PPP1R1C: variants seen among roughly 807,000 people sequenced by gnomAD.
The protein encoded by PPP1R1C is protein phosphatase 1 regulatory inhibitor subunit 1C.
A neutral mutation model predicts 17.4 loss-of-function variants in PPP1R1C; 15 were observed. That is an observed-to-expected ratio of 0.86 (90% CI 0.58 to 1.33). The LOEUF (loss-of-function observed/expected upper bound fraction) is 1.33. Among genes scored for constraint, PPP1R1C ranks in the 40% most tolerant of loss-of-function variants. The pLI, the probability that PPP1R1C is intolerant of heterozygous loss-of-function variation, is 0.00. For synonymous variants in PPP1R1C, 35 were observed against 43.1 expected (o/e 0.81, Z 0.73); for missense variants, 143 against 130.0 (o/e 1.10, Z -0.48).
At chr2:182,073,954 A>G (rs1432907970) in intron 4 of PPP1R1C, among the ~76,000 whole-genome samples, 1 of 151,882 alleles carries the variant, frequency 6.6e-6, no homozygotes, top group Non-Finnish European at 1.5e-5. Context: ...AATTTTGAAG[A>G]TTGCTTGACA....
In PPP1R1C at chr2:181,961,090, G is replaced by A; in HGVS notation, n.111+6456G>A. On this transcript the variant is annotated intron_variant and non_coding_transcript_variant, in intron 1 of 5. Coordinates refer to the PPP1R1C transcript ENST00000464264. The surrounding 1 kb of genome is among the most constrained non-coding windows in gnomAD (Gnocchi z 5.8). ...AATAAAGGCTGTAACAGGAGCGTGTGTCACATCATCATAGCAGTTTTCTTG... is the reference window on the plus strand; with the variant it reads ...AATAAAGGCTGTAACAGGAGCGTGTATCACATCATCATAGCAGTTTTCTTG... 1.8e-6 allele frequency: 1 copy of A among 559,090 alleles called. No homozygotes were observed. Among genetic ancestry groups the A allele is most frequent in the Non-Finnish European group, 3.2e-6 (1 of 311,216 alleles). The allele number at this position is 559,090 out of a possible 1,614,324, so 34.6% of individuals were successfully genotyped here.
At chr2:182,085,669 T>G (rs889989999) in intron 4 of PPP1R1C, among the ~76,000 whole-genome samples, 4 of 152,180 alleles carry the variant, frequency 2.6e-5, no homozygotes, top group Non-Finnish European at 4.4e-5. Context: ...TTTTGCTGCC[T>G]AAGGCAACTG....
At chr2:181,973,061 A>G (rs1488257252) in intron 1 of PPP1R1C, among the ~76,000 whole-genome samples, 1 of 152,158 alleles carries the variant, frequency 6.6e-6, no homozygotes, top group Non-Finnish European at 1.5e-5. Flanking sequence ...TCAAAATCTC[A>G]AGAAGCAGAG....
At position 182,066,372 on chromosome 2, in the gene PPP1R1C, G is replaced by A. The variant is rs528582403; in HGVS notation, c.241+2581G>A. Among the ~76,000 whole-genome samples, 42 of 152,146 alleles carry A rather than the reference G, an allele frequency of 2.8e-4. No individual in the cohort carries two copies. In the South Asian group the frequency reaches 8.5e-3, roughly 31 times the overall value. ...CATTCTATTTTCAGCTATCTCAATT[G>A]TGTGTCATCATAGATAAGATAAACC... is the stretch of plus-strand genomic sequence containing the variant. On this transcript the variant is annotated intron_variant, in intron 4 of 4. Coordinates refer to ENST00000682840, the MANE Select transcript of PPP1R1C (RefSeq NM_001080545.3).
rs959588533 is a variant in PPP1R1C at position 181,987,341 on chromosome 2, T to C, written c.82-498T>C. The stretch of plus-strand genomic sequence containing the variant: ...TATTTATTCTTCATTTGTTTATTTG[T>C]TCTAAATATTATACTAGAAAATAAA... On this transcript the variant is annotated intron_variant, in intron 1 of 4. Transcript: ENST00000682840. 3.9e-5 allele frequency among the ~76,000 whole-genome samples: 6 copies of C among 152,194 alleles called. No individual in the cohort carries two copies. In the East Asian group the frequency reaches 1.2e-3, roughly 29 times the overall value.
At position 181,969,583 on chromosome 2, in the gene PPP1R1C, T is replaced by C. The variant is rs143872169; in HGVS notation, n.112-5636T>C. 4.0e-3 allele frequency among the ~76,000 whole-genome samples: 610 copies of C among 152,300 alleles called. 7 individuals are homozygous for C. The highest frequency in any genetic ancestry group is 0.014 in the African/African-American group (570 of 41,564). On this transcript the variant is annotated intron_variant and non_coding_transcript_variant, in intron 1 of 5. Transcript: ENST00000464264. Reference sequence around the variant, plus strand: ...AGTTTGATTATTAAATATCTTGAGGTAGTCTTATTTGAGTTAAATCTGCTT... The same window carrying C: ...AGTTTGATTATTAAATATCTTGAGGCAGTCTTATTTGAGTTAAATCTGCTT...
intron 2 of PPP1R1C, among the ~76,000 whole-genome samples, chr2:182,003,086 G>C (rs1343029632): frequency 1.3e-5 from 2 of 152,032 alleles, no homozygotes; most frequent in African/African-American, 4.8e-5. Context: ...CAACATATAG[G>C]GGAAATGGGC....
intron 2 of PPP1R1C, among the ~76,000 whole-genome samples, chr2:182,027,899 G>C (rs1047114373): frequency 4.1e-5 from 5 of 123,300 alleles, no homozygotes; most frequent in African/African-American, 1.2e-4. Context: ...TCCTGTTATT[G>C]GTTTATTCAG....
chr2:182,081,721 C>T (rs1387389589), intron 4 of PPP1R1C, among the ~76,000 whole-genome samples: 1 of 152,154 alleles, frequency 6.6e-6, no homozygotes, highest in African/African-American at 2.4e-5. Flanking sequence ...AACTCCTGCA[C>T]TTAGCAGGAA....
chr2:182,089,837 T>C (rs1688730974), intron 4 of PPP1R1C, among the ~76,000 whole-genome samples: 1 of 152,088 alleles, frequency 6.6e-6, no homozygotes, highest in African/African-American at 2.4e-5. Flanking sequence ...AATTAGGTTT[T>C]ATAATTTTGT....
chr2:182,130,783 C>T (rs1689989882), downstream of PPP1R1C: 1 of 152,252 alleles, frequency 6.6e-6, no homozygotes, highest in East Asian at 1.9e-4. Context: ...TTGTTTGTTA[C>T]ATTTGTCAAG....
intron 2 of PPP1R1C, among the ~76,000 whole-genome samples, chr2:182,059,328 A>G (rs900331950): frequency 6.6e-5 from 10 of 152,052 alleles, no homozygotes; most frequent in African/African-American, 2.2e-4. Flanking sequence ...CTACTAACAC[A>G]CTGATTTTGT....
chr2:181,973,820 A>T (rs1685052312), intron 1 of PPP1R1C, among the ~76,000 whole-genome samples: 1 of 152,226 alleles, frequency 6.6e-6, no homozygotes, highest in Non-Finnish European at 1.5e-5. Flanking sequence ...TGACATCTAC[A>T]TTCTATGAAA....
downstream of PPP1R1C, among the ~76,000 whole-genome samples, chr2:182,122,434 G>A (rs1391175448): frequency 1.3e-5 from 2 of 152,118 alleles, no homozygotes; most frequent in African/African-American, 4.8e-5. Context: ...TGCTTAGGAT[G>A]AGGCAAGTTT....
At chr2:182,078,392 C>A (rs942698240) in intron 4 of PPP1R1C, among the ~76,000 whole-genome samples, 1 of 152,014 alleles carries the variant, frequency 6.6e-6, no homozygotes, top group Non-Finnish European at 1.5e-5. Flanking sequence ...TTCAGGACAA[C>A]CGTAACCAAA....
intron 2 of PPP1R1C, among the ~76,000 whole-genome samples, chr2:182,002,933 C>CA (rs558613814): frequency 5.8e-5 from 8 of 137,422 alleles, no homozygotes; most frequent in Admixed American, 2.1e-4. Context: ...ATAAACCTCC[C>CA]CCCCCCCACA....
At chr2:181,974,715 C>CT in intron 1 of PPP1R1C, among the ~76,000 whole-genome samples, 1 of 152,302 alleles carries the variant, frequency 6.6e-6, no homozygotes, top group African/African-American at 2.4e-5. Flanking sequence ...AAGACAGTCA[C>CT]TTGGGGTTGG....
chr2:182,041,615 A>G (rs1397550970), intron 2 of PPP1R1C, among the ~76,000 whole-genome samples: 3 of 151,800 alleles, frequency 2.0e-5, no homozygotes, highest in Non-Finnish European at 4.4e-5. Context: ...GTCTCAAAAA[A>G]AAAAAAAAAA....
intron 2 of PPP1R1C, among the ~76,000 whole-genome samples, chr2:182,007,261 C>T (rs1218771665): frequency 6.6e-6 from 1 of 152,150 alleles, no homozygotes; most frequent in African/African-American, 2.4e-5. Context: ...TACGTATACA[C>T]TAACATACCA....
Sources: allele counts gnomAD v4.1 joint callset (sites outside exome capture counted in the v4.1 genomes callset), GRCh38; gene constraint gnomAD v4.1.1; non-coding constraint Gnocchi (gnomAD v3.1); transcripts MANE v1.5; gene names NCBI Gene and HGNC (gene_info 2026-07-23, HGNC 2026-07-21).